Variants in FOXE3 observed in about 807,000 individuals in gnomAD.
The protein encoded by FOXE3 is forkhead box E3.
For synonymous variants in FOXE3, 274 were observed against 258.3 expected (o/e 1.06, Z -0.58); for missense variants, 520 against 507.8 (o/e 1.02, Z -0.23).
In FOXE3 at chr1:47,417,440, T is replaced by G; in HGVS notation, c.*165T>G. On this transcript the variant is annotated 3_prime_UTR_variant, in exon 1 of 1. Transcript: ENST00000335071. The surrounding 1 kb of genome is among the most constrained non-coding windows in gnomAD (Gnocchi z 4.3). Reference sequence around the variant, plus strand: ...CTGCTACATCCTTCTCCGTCCCCCATCCCTGGGGAGGCTCCCACCATCTCG... The same window carrying G: ...CTGCTACATCCTTCTCCGTCCCCCAGCCCTGGGGAGGCTCCCACCATCTCG... The G allele has an allele frequency of 2.1e-6, 1 of 474,044 alleles. No individual in the cohort carries two copies. Among genetic ancestry groups the G allele is most frequent in the Non-Finnish European group, 3.5e-6 (1 of 288,064 alleles). The allele number at this position is 474,044 out of a possible 1,614,324, so 29.4% of individuals were successfully genotyped here. A position where few individuals can be genotyped will look rare whatever the true frequency, so the allele number is the denominator to read the frequency against.
At position 47,417,625 on chromosome 1, in the gene FOXE3, C is replaced by T. The variant is rs774081601; in HGVS notation, c.*350C>T. 8.3e-4 allele frequency: 182 copies of T among 218,056 alleles called. 2 individuals carry two copies. Among genetic ancestry groups the T allele is most frequent in the South Asian group, 2.3e-3 (12 of 5,238 alleles). 13.5% of individuals were successfully genotyped at this position (218,056 alleles called of 1,614,324 possible). A position where few individuals can be genotyped will look rare whatever the true frequency, so the allele number is the denominator to read the frequency against. ...TCCAGTGAGTCCATACCCCAGGTTT[C>T]CTGGTGAGTTCCAAGCCTTTGGAAG... On this transcript the variant is annotated 3_prime_UTR_variant, in exon 1 of 1. Transcript: ENST00000335071. This position sits in a 1 kb window ranked among gnomAD's most constrained non-coding sequence, Gnocchi z 4.3.
Position 47,417,345 on chromosome 1 carries a change from C to A in FOXE3, c.*70C>A. On this transcript the variant is annotated 3_prime_UTR_variant, in exon 1 of 1. Transcript: ENST00000335071. This position sits in a 1 kb window ranked among gnomAD's most constrained non-coding sequence, Gnocchi z 4.3. Reference sequence around the variant, plus strand: ...CCTGCGGCGCCGCCCTCGAGCGCCCCATCTCTACCCCCCACCCTGGCTTGG... The same window carrying A: ...CCTGCGGCGCCGCCCTCGAGCGCCCAATCTCTACCCCCCACCCTGGCTTGG... 8.0e-7 allele frequency: 1 copy of A among 1,248,018 alleles called. No individual in the cohort carries two copies. The highest frequency in any genetic ancestry group is 2.3e-5 in the South Asian group (1 of 44,260). The allele number at this position is 1,248,018 out of a possible 1,614,324, so 77.3% of individuals were successfully genotyped here. A position where few individuals can be genotyped will look rare whatever the true frequency, so the allele number is the denominator to read the frequency against.
rs572796508 is a variant in FOXE3, at chr1:47,417,481, G to C, written c.*206G>C. On this transcript the variant is annotated 3_prime_UTR_variant, in exon 1 of 1. Transcript: ENST00000335071. This position sits in a 1 kb window ranked among gnomAD's most constrained non-coding sequence, Gnocchi z 4.3. ...CACCATCTCGCCACTGGACAGAAGC[G>C]TCCCCTTTGACCTGCCAGCCTCTCA... is the stretch of plus-strand genomic sequence containing the variant. 1 of 402,534 alleles carries C rather than the reference G, an allele frequency of 2.5e-6. No homozygotes were observed. Among genetic ancestry groups the C allele is most frequent in the African/African-American group, 2.1e-5 (1 of 47,610 alleles). The allele number at this position is 402,534 out of a possible 1,614,324, so 24.9% of individuals were successfully genotyped here.
rs1646886092 is a variant in FOXE3 at position 47,416,799 on chromosome 1, C to A, written c.484C>A (p.Arg162=). The A allele has an allele frequency of 6.3e-7, 1 of 1,588,080 alleles. No individual in the cohort carries two copies. Among genetic ancestry groups the A allele is most frequent in the Admixed American group, 1.7e-5 (1 of 57,314 alleles). Residue 162 remains arginine, a synonymous_variant, in exon 1 of 1, where the codon CGG becomes AGG. Coordinates refer to ENST00000335071, the MANE Select transcript of FOXE3 (RefSeq NM_012186.3). This position sits in a 1 kb window ranked among gnomAD's most constrained non-coding sequence, Gnocchi z 4.2. ...ADMFDNGSFL[R]RRKRFKRAEL... is the part of the protein sequence containing the mutation. ...CATGTTCGACAACGGCAGCTTCCTG[C>A]GGCGCCGCAAGCGCTTCAAGCGCGC...
Position 47,416,825 on chromosome 1 carries a change from C to T in FOXE3, c.510C>T (p.Ala170=), listed in dbSNP as rs34082359. The T allele has an allele frequency of 0.35, 546,193 of 1,541,002 alleles. 98,525 individuals are homozygous for T. Among genetic ancestry groups the T allele is most frequent in the South Asian group, 0.4 (33,848 of 84,548 alleles). Residue 170 remains alanine (A), a synonymous_variant, in exon 1 of 1, where the codon GCC becomes GCT. Transcript: ENST00000335071. This position sits in a 1 kb window ranked among gnomAD's most constrained non-coding sequence, Gnocchi z 4.2. ...FLRRRKRFKR[A]ELPAHAAAAP... ...GGCGCCGCAAGCGCTTCAAGCGCGC[C>T]GAGCTGCCCGCGCACGCGGCCGCGG...
Position 47,416,354 on chromosome 1 carries a change from C to T in FOXE3, c.39C>T (p.Phe13=), listed in dbSNP as rs1350653181. Residue 13 remains phenylalanine, a synonymous_variant, in exon 1 of 1, where the codon TTC becomes TTT. Coordinates refer to ENST00000335071, the MANE Select transcript of FOXE3 (RefSeq NM_012186.3). This position sits in a 1 kb window ranked among gnomAD's most constrained non-coding sequence, Gnocchi z 4.2. ...GCGACATGGATCCGCCCGCCGCGTT[C>T]TCTGGCTTCCCTGCCCTGCCAGCGG... The part of the protein sequence containing the change: ...GRSDMDPPAA[F]SGFPALPAVA... 3.6e-6 allele frequency: 5 copies of T among 1,383,622 alleles called. No homozygotes were observed. Among genetic ancestry groups the T allele is most frequent in the Middle Eastern group, 2.6e-4 (1 of 3,780 alleles). The allele number at this position is 1,383,622 out of a possible 1,614,324, so 85.7% of individuals were successfully genotyped here. A position where few individuals can be genotyped will look rare whatever the true frequency, so the allele number is the denominator to read the frequency against.
chr1:47,417,121 T>C lies in FOXE3; in HGVS notation c.806T>C (p.Leu269Pro). 1 of 1,407,006 alleles carries C rather than the reference T, an allele frequency of 7.1e-7. No individual in the cohort carries two copies. Among genetic ancestry groups the C allele is most frequent in the South Asian group, 1.5e-5 (1 of 68,704 alleles). The allele number at this position is 1,407,006 out of a possible 1,614,324, so 87.2% of individuals were successfully genotyped here. A position where few individuals can be genotyped will look rare whatever the true frequency, so the allele number is the denominator to read the frequency against. Residue 269 changes from leucine (L) to proline (P), a missense_variant, in exon 1 of 1, where the codon CTG (leucine) becomes CCG (proline). Physicochemically the swap from Leu to Pro is moderately conservative, Grantham distance 98. Coordinates refer to ENST00000335071, the MANE Select transcript of FOXE3 (RefSeq NM_012186.3). The surrounding 1 kb of genome is among the most constrained non-coding windows in gnomAD (Gnocchi z 4.3). The part of the protein sequence containing the change: ...PPLYSQVPDR[L>P]VLPATRPGPG... ...CTCTACTCGCAGGTCCCCGACCGCC[T>C]GGTACTGCCCGCGACGCGCCCCGGC...
Position 47,416,934 on chromosome 1 carries a change from G to C in FOXE3, c.619G>C (p.Gly207Arg). ...GCTGCTGGTGCCGCCGCCTTCTGCC[G>C]GACCGGGCCCCTCGCCGCCCGCGCG... ...PALLVPPPSA[G>R]PGPSPPARLF... Residue 207 changes from glycine to arginine, a missense_variant, in exon 1 of 1, where the codon GGA becomes CGA. Transcript: ENST00000335071. The surrounding 1 kb of genome is among the most constrained non-coding windows in gnomAD (Gnocchi z 4.2). 1 of 1,326,386 alleles carries C rather than the reference G, an allele frequency of 7.5e-7. No homozygotes were observed. Among genetic ancestry groups the C allele is most frequent in the Non-Finnish European group, 9.7e-7 (1 of 1,030,306 alleles). The allele number at this position is 1,326,386 out of a possible 1,614,324, so 82.2% of individuals were successfully genotyped here.
Position 47,416,313 on chromosome 1 carries a change from C to A in FOXE3, c.-3C>A. 1 of 1,338,000 alleles carries A rather than the reference C, an allele frequency of 7.5e-7. No homozygotes were observed. Among genetic ancestry groups the A allele is most frequent in the South Asian group, 1.8e-5 (1 of 54,592 alleles). The allele number at this position is 1,338,000 out of a possible 1,614,324, so 82.9% of individuals were successfully genotyped here. A position where few individuals can be genotyped will look rare whatever the true frequency, so the allele number is the denominator to read the frequency against. On this transcript the variant is annotated 5_prime_UTR_variant, in exon 1 of 1. Coordinates refer to ENST00000335071, the MANE Select transcript of FOXE3 (RefSeq NM_012186.3). The surrounding 1 kb of genome is among the most constrained non-coding windows in gnomAD (Gnocchi z 4.2). ...GCCGCGCGGGCAGGGGCTGCCGCAG[C>A]CGATGGCGGGGCGCAGCGACATGGA...
rs539993865 is a variant in FOXE3, at chr1:47,416,745, T to C, written c.430T>C (p.Tyr144His). 9.3e-6 allele frequency: 15 copies of C among 1,608,332 alleles called. No homozygotes were observed. In the Admixed American group the frequency reaches 2.4e-4, roughly 25 times the overall value. The stretch of plus-strand genomic sequence containing the variant: ...GCCGGGCAACCCGGGCAAGGGCAAC[T>C]ACTGGACGCTGGACCCCGCGGCCGC... The part of the protein sequence containing the change: ...REPGNPGKGN[Y>H]WTLDPAAADM... Residue 144 changes from tyrosine (Y) to histidine (H), a missense_variant, in exon 1 of 1, where the codon TAC (tyrosine) becomes CAC (histidine). Physicochemically the swap from Tyr to His is moderately conservative, Grantham distance 83. Coordinates refer to ENST00000335071, the MANE Select transcript of FOXE3 (RefSeq NM_012186.3). The surrounding 1 kb of genome is among the most constrained non-coding windows in gnomAD (Gnocchi z 4.2).
chr1:47,416,867 C>T lies in FOXE3; in HGVS notation c.552C>T (p.Leu184=), dbSNP rs1265845047. 6 of 1,396,068 alleles carry T rather than the reference C, an allele frequency of 4.3e-6. No homozygotes were observed. The East Asian group carries it at 1.9e-4, about 44-fold the overall frequency. 86.5% of individuals were successfully genotyped at this position (1,396,068 alleles called of 1,614,324 possible). The change falls in exon 1 of 1, where the codon CTC becomes CTT. Residue 184 remains leucine (L), a synonymous_variant. Coordinates refer to ENST00000335071, the MANE Select transcript of FOXE3 (RefSeq NM_012186.3). This position sits in a 1 kb window ranked among gnomAD's most constrained non-coding sequence, Gnocchi z 4.2. ...CGGCCGCGGCGCCAGGGCCGCCGCT[C>T]CCCTTCCCCTACGCGCCCTACGCGC... is the stretch of plus-strand genomic sequence containing the variant. The part of the protein sequence containing the change: ...AHAAAAPGPP[L]PFPYAPYAPA...
rs577539007 is a variant in FOXE3, at chr1:47,416,834, C to A, written c.519C>A (p.Pro173=). 29 of 1,493,208 alleles carry A rather than the reference C, an allele frequency of 1.9e-5. No homozygotes were observed. The highest frequency in any genetic ancestry group is 2.5e-5 in the Non-Finnish European group (28 of 1,122,996). 92.5% of individuals were successfully genotyped at this position (1,493,208 alleles called of 1,614,324 possible). A position where few individuals can be genotyped will look rare whatever the true frequency, so the allele number is the denominator to read the frequency against. ...RRKRFKRAEL[P]AHAAAAPGPP... is the part of the protein sequence containing the mutation. ...AGCGCTTCAAGCGCGCCGAGCTGCCCGCGCACGCGGCCGCGGCGCCAGGGC... is the reference window on the plus strand; with the variant it reads ...AGCGCTTCAAGCGCGCCGAGCTGCCAGCGCACGCGGCCGCGGCGCCAGGGC... The change falls in exon 1 of 1, where the codon CCC becomes CCA. Residue 173 remains proline, a synonymous_variant. Coordinates refer to ENST00000335071, the MANE Select transcript of FOXE3 (RefSeq NM_012186.3). This position sits in a 1 kb window ranked among gnomAD's most constrained non-coding sequence, Gnocchi z 4.2.
In FOXE3 at chr1:47,417,347, T is replaced by C. The variant is rs6666370; in HGVS notation, c.*72T>C. 0.91 allele frequency: 1,129,088 copies of C among 1,244,486 alleles called. 515,168 individuals carry two copies. The highest frequency in any genetic ancestry group is 0.95 in the South Asian group (40,642 of 42,938). 77.1% of individuals were successfully genotyped at this position (1,244,486 alleles called of 1,614,324 possible). ...TGCGGCGCCGCCCTCGAGCGCCCCATCTCTACCCCCCACCCTGGCTTGGAG... is the reference window on the plus strand; with the variant it reads ...TGCGGCGCCGCCCTCGAGCGCCCCACCTCTACCCCCCACCCTGGCTTGGAG... On this transcript the variant is annotated 3_prime_UTR_variant, in exon 1 of 1. Transcript: ENST00000335071. The surrounding 1 kb of genome is among the most constrained non-coding windows in gnomAD (Gnocchi z 4.3).
Position 47,416,873 on chromosome 1 carries a change from C to CCCTACGCG in FOXE3, c.560_561insTACGCGCC (p.Tyr188ThrfsTer39). 1 of 1,362,590 alleles carries CCCTACGCG rather than the reference C, an allele frequency of 7.3e-7. No homozygotes were observed. The highest frequency in any genetic ancestry group is 9.5e-7 in the Non-Finnish European group (1 of 1,054,572). 84.4% of individuals were successfully genotyped at this position (1,362,590 alleles called of 1,614,324 possible). On this transcript the variant is annotated frameshift_variant, in exon 1 of 1. Transcript: ENST00000335071. LOFTEE classifies it low-confidence loss of function (END_TRUNC). The surrounding 1 kb of genome is among the most constrained non-coding windows in gnomAD (Gnocchi z 4.2). The stretch of plus-strand genomic sequence containing the variant: ...CGGCGCCAGGGCCGCCGCTCCCCTT[C>CCCTACGCG]CCCTACGCGCCCTACGCGCCCGCGC...
rs2124044494 is a variant in FOXE3, at chr1:47,417,124, T to A, written c.809T>A (p.Val270Glu). The A allele has an allele frequency of 1.4e-6, 2 of 1,407,588 alleles. No homozygotes were observed. Among genetic ancestry groups the A allele is most frequent in the Non-Finnish European group, 1.8e-6 (2 of 1,081,142 alleles). 87.2% of individuals were successfully genotyped at this position (1,407,588 alleles called of 1,614,324 possible). A position where few individuals can be genotyped will look rare whatever the true frequency, so the allele number is the denominator to read the frequency against. Residue 270 changes from valine to glutamate, a missense_variant, in exon 1 of 1, where the codon GTA becomes GAA. Coordinates refer to ENST00000335071, the MANE Select transcript of FOXE3 (RefSeq NM_012186.3). The surrounding 1 kb of genome is among the most constrained non-coding windows in gnomAD (Gnocchi z 4.3). ...TACTCGCAGGTCCCCGACCGCCTGG[T>A]ACTGCCCGCGACGCGCCCCGGCCCC... is the stretch of plus-strand genomic sequence containing the variant. ...PLYSQVPDRLVLPATRPGPGP... is the reference protein window; with the variant it reads ...PLYSQVPDRLELPATRPGPGP...
In FOXE3 at chr1:47,418,008, T is replaced by A. The variant is rs1335734574; in HGVS notation, c.*733T>A. 1.2e-5 allele frequency: 2 copies of A among 167,100 alleles called. No homozygotes were observed. Among genetic ancestry groups the A allele is most frequent in the Non-Finnish European group, 2.9e-5 (2 of 68,148 alleles). The allele number at this position is 167,100 out of a possible 1,614,324, so 10.4% of individuals were successfully genotyped here. On this transcript the variant is annotated 3_prime_UTR_variant, in exon 1 of 1. Transcript: ENST00000335071. The stretch of plus-strand genomic sequence containing the variant: ...GGACTTATTGGGTTATTATTATTTT[T>A]AATTAAAGCTGGTTTAATTAAAAAG...
rs954636155 is a variant in FOXE3 at position 47,417,944 on chromosome 1, G to A, written c.*669G>A. The A allele has an allele frequency of 1.2e-5, 2 of 167,020 alleles. No individual in the cohort carries two copies. Among genetic ancestry groups the A allele is most frequent in the Non-Finnish European group, 2.9e-5 (2 of 68,132 alleles). The allele number at this position is 167,020 out of a possible 1,614,324, so 10.3% of individuals were successfully genotyped here. Reference sequence around the variant, plus strand: ...AGGGCTCCTGACTGAAAGGGGAGTTGGTGGGCCTTTAGGTCTGCCCCATCC... The same window carrying A: ...AGGGCTCCTGACTGAAAGGGGAGTTAGTGGGCCTTTAGGTCTGCCCCATCC... On this transcript the variant is annotated 3_prime_UTR_variant, in exon 1 of 1. Transcript: ENST00000335071. This position sits in a 1 kb window ranked among gnomAD's most constrained non-coding sequence, Gnocchi z 4.3.
Position 47,416,295 on chromosome 1 carries a change from G to C in FOXE3, c.-21G>C. On this transcript the variant is annotated 5_prime_UTR_variant, in exon 1 of 1. Transcript: ENST00000335071. The surrounding 1 kb of genome is among the most constrained non-coding windows in gnomAD (Gnocchi z 4.2). The stretch of plus-strand genomic sequence containing the variant: ...GGCCCCTGCGGTCCCGGAGCCGCGC[G>C]GGCAGGGGCTGCCGCAGCCGATGGC... The C allele has an allele frequency of 7.8e-7, 1 of 1,288,144 alleles. No homozygotes were observed. The highest frequency in any genetic ancestry group is 9.8e-7 in the Non-Finnish European group (1 of 1,016,294). 79.8% of individuals were successfully genotyped at this position (1,288,144 alleles called of 1,614,324 possible).
chr1:47,416,728 A>C lies in FOXE3; in HGVS notation c.413A>C (p.Asn138Thr). ...CFVKVPREPG[N>T]PGKGNYWTLD... ...GTCAAGGTGCCCCGCGAGCCGGGCA[A>C]CCCGGGCAAGGGCAACTACTGGACG... The change falls in exon 1 of 1, where the codon AAC becomes ACC. Residue 138 changes from asparagine (N) to threonine (T), a missense_variant. Coordinates refer to ENST00000335071, the MANE Select transcript of FOXE3 (RefSeq NM_012186.3). This position sits in a 1 kb window ranked among gnomAD's most constrained non-coding sequence, Gnocchi z 4.2. 1 of 1,608,864 alleles carries C rather than the reference A, an allele frequency of 6.2e-7. No individual in the cohort carries two copies. The highest frequency in any genetic ancestry group is 8.5e-7 in the Non-Finnish European group (1 of 1,177,434).
Sources: allele counts gnomAD v4.1 joint callset, GRCh38; gene constraint gnomAD v4.1.1; non-coding constraint Gnocchi (gnomAD v3.1); transcripts MANE v1.5; gene names NCBI Gene and HGNC (gene_info 2026-07-23, HGNC 2026-07-21).